SEMA3A: variants seen among roughly 807,000 people sequenced by gnomAD.
The protein encoded by SEMA3A is semaphorin 3A.
A neutral mutation model predicts 97.9 loss-of-function variants in SEMA3A; 29 were observed. The observed-to-expected ratio is 0.30, with a 90% confidence interval of 0.22 to 0.40. The LOEUF (loss-of-function observed/expected upper bound fraction) is 0.40, where lower values mean the gene tolerates loss of function less well. Among genes scored for constraint, SEMA3A ranks in the 10% least tolerant of loss-of-function variants. SEMA3A has a pLI of 1.00. For synonymous variants in SEMA3A, 321 were observed against 323.7 expected (o/e 0.99, Z 0.09); for missense variants, 763 against 951.3 (o/e 0.80, Z 2.60).
intron 13 of SEMA3A, among the ~76,000 whole-genome samples, chr7:83,983,160 A>G (rs1330575890): frequency 6.6e-6 from 1 of 152,022 alleles, no homozygotes; most frequent in African/African-American, 2.4e-5. Context: ...TAGATTAAGT[A>G]TTGTTAAGCT....
At chr7:84,384,112 A>C (rs1803340028) in intron 1 of SEMA3A, among the ~76,000 whole-genome samples, 1 of 152,206 alleles carries the variant, frequency 6.6e-6, no homozygotes, top group Non-Finnish European at 1.5e-5. Flanking sequence ...TGAGTCCTTT[A>C]AATAACTCAT....
intron 4 of SEMA3A, among the ~76,000 whole-genome samples, chr7:84,095,998 T>C (rs1794761004): frequency 6.6e-6 from 1 of 152,094 alleles, no homozygotes; most frequent in African/African-American, 2.4e-5. Context: ...AGACAATTTA[T>C]GCATGAAGAG....
chr7:84,168,959 T>C (rs1020033994), intron 1 of SEMA3A, among the ~76,000 whole-genome samples: 21 of 151,780 alleles, frequency 1.4e-4, no homozygotes, highest in African/African-American at 4.3e-4. Context: ...ACTAGAACAG[T>C]GAACATACAT....
intron 3 of SEMA3A, among the ~76,000 whole-genome samples, chr7:84,283,677 A>G (rs1800509637): frequency 6.6e-6 from 1 of 152,134 alleles, no homozygotes; most frequent in African/African-American, 2.4e-5. Context: ...TCACATAGTA[A>G]AAGTGTTGTT....
At chr7:84,083,173 A>C (rs1794218221) in intron 4 of SEMA3A, among the ~76,000 whole-genome samples, 1 of 151,944 alleles carries the variant, frequency 6.6e-6, no homozygotes, top group Non-Finnish European at 1.5e-5. Flanking sequence ...AAGGGCATTA[A>C]ATGATGGGCA....
intron 1 of SEMA3A, among the ~76,000 whole-genome samples, chr7:84,455,083 T>A (rs1805656101): frequency 6.6e-6 from 1 of 151,980 alleles, no homozygotes; most frequent in Admixed American, 6.6e-5. Context: ...AAGTAGATAG[T>A]ATTGTAATAT....
chr7:84,324,682 A>G (rs1441559529), intron 2 of SEMA3A, among the ~76,000 whole-genome samples: 1 of 152,162 alleles, frequency 6.6e-6, no homozygotes, highest in Admixed American at 6.5e-5. Context: ...TATTTTTCAA[A>G]GAGACTTCAA....
At chr7:84,008,042 C>T (rs575542778) in intron 9 of SEMA3A, among the ~76,000 whole-genome samples, 189 of 152,176 alleles carry the variant, frequency 1.2e-3, no homozygotes, top group South Asian at 2.5e-3. Context: ...TTAAAATCAG[C>T]TCTTTCTAAC....
intron 2 of SEMA3A, among the ~76,000 whole-genome samples, chr7:84,312,899 T>A: frequency 1.6e-5 from 1 of 62,884 alleles, no homozygotes; most frequent in Admixed American, 1.6e-4. Flanking sequence ...TATATATATA[T>A]ATATATATAT....
rs562248208 is a variant in SEMA3A at position 84,407,755 on chromosome 7, C to T, written c.-245-35855G>A. 2.0e-5 allele frequency among the ~76,000 whole-genome samples: 3 copies of T among 152,280 alleles called. No homozygotes were observed. In the East Asian group the frequency reaches 5.8e-4, roughly 29 times the overall value. On this transcript the variant is annotated intron_variant, in intron 1 of 3. Coordinates refer to the SEMA3A transcript ENST00000424555. ...AATAATGCCACATATCTACAACTAT[C>T]TGATCTTTGACAAACCTGACAAAAA...
chr7:83,964,607 C>T (rs1247851654), intron 15 of SEMA3A, among the ~76,000 whole-genome samples: 1 of 152,168 alleles, frequency 6.6e-6, no homozygotes, highest in African/African-American at 2.4e-5. Context: ...CTTCTACCTT[C>T]AATTGCTGTC....
At chr7:84,005,765 A>G (rs747490476) in intron 10 of SEMA3A, among the ~76,000 whole-genome samples, 9 of 152,034 alleles carry the variant, frequency 5.9e-5, no homozygotes, top group Non-Finnish European at 8.8e-5. Context: ...CTGGCCCAAC[A>G]TGGTGAAACC....
chr7:84,018,551 T>C (rs980356493), intron 6 of SEMA3A, among the ~76,000 whole-genome samples: 4 of 152,078 alleles, frequency 2.6e-5, no homozygotes, highest in African/African-American at 4.8e-5. Flanking sequence ...AAAAATGCCA[T>C]GGGAGATAGG....
rs189802949 is a variant in SEMA3A, at chr7:84,230,224, A to G, written c.-82-35556T>C. On this transcript the variant is annotated intron_variant, in intron 3 of 3. Transcript: ENST00000424555. ...TAATTGAGTCACTCTCTCTCTTCCT[A>G]TACTCACTTTTTATCGAGGTTTTAT... Among the ~76,000 whole-genome samples the G allele has an allele frequency of 5.3e-5, 8 of 151,840 alleles. No homozygotes were observed. In the East Asian group the frequency reaches 1.4e-3, roughly 26 times the overall value.
chr7:84,325,445 A>G (rs1388591270), intron 2 of SEMA3A, among the ~76,000 whole-genome samples: 6 of 152,196 alleles, frequency 3.9e-5, no homozygotes, highest in Non-Finnish European at 7.4e-5. Context: ...TAAAGACAGA[A>G]GATTTGCCAC....
At chr7:84,097,792 A>C (rs562217463) in intron 4 of SEMA3A, among the ~76,000 whole-genome samples, 7 of 152,262 alleles carry the variant, frequency 4.6e-5, no homozygotes, top group African/African-American at 1.7e-4. Context: ...GAATAATAGC[A>C]AAATATGCAA....
At chr7:84,007,049 C>A (rs1790695704) in intron 10 of SEMA3A, among the ~76,000 whole-genome samples, 1 of 151,944 alleles carries the variant, frequency 6.6e-6, no homozygotes. Context: ...TTCTGCACTT[C>A]TCTACTACCA....
At chr7:84,150,590 A>AC (rs1173733641) in intron 1 of SEMA3A, among the ~76,000 whole-genome samples, 1 of 152,006 alleles carries the variant, frequency 6.6e-6, no homozygotes, top group African/African-American at 2.4e-5. Context: ...AGAGGGTCCT[A>AC]CCCTATGGAG....
intron 3 of SEMA3A, among the ~76,000 whole-genome samples, chr7:84,230,643 T>C (rs1799096872): frequency 6.6e-6 from 1 of 151,966 alleles, no homozygotes; most frequent in Non-Finnish European, 1.5e-5. Flanking sequence ...TGTCTAACCA[T>C]GTCTTGTGTC....
Sources: gnomAD v4.1 joint callset for allele counts (sites outside exome capture counted in the v4.1 genomes callset) on GRCh38, gnomAD v4.1.1 for gene constraint, MANE v1.5 for transcripts, NCBI Gene and HGNC (gene_info 2026-07-23, HGNC 2026-07-21) for gene names.